Variants in MCF2L observed in about 807,000 individuals in gnomAD.
MCF2L encodes guanine nucleotide exchange factor DBS.
MCF2L carries 97 observed loss-of-function variants against 153.4 expected under a neutral mutation model. That is an observed-to-expected ratio of 0.63 (90% CI 0.54 to 0.75). MCF2L has a LOEUF of 0.75. MCF2L is among the 30% of genes least tolerant of loss of function. The pLI, the probability that MCF2L is intolerant of heterozygous loss-of-function variation, is 0.00. For missense variants in MCF2L, 1,347 were observed against 1,495.2 expected, an observed-to-expected ratio of 0.90 and a Z score of 1.64; for synonymous variants, 659 against 632.2, an observed-to-expected ratio of 1.04 and a Z score of -0.64.
Position 113,053,066 on chromosome 13 carries a change from G to A in MCF2L, c.370-7527G>A, listed in dbSNP as rs903464407. 2.6e-5 allele frequency among the ~76,000 whole-genome samples: 4 copies of A among 152,034 alleles called. No homozygotes were observed. Among genetic ancestry groups the A allele is most frequent in the Non-Finnish European group, 4.4e-5 (3 of 67,998 alleles). The stretch of plus-strand genomic sequence containing the variant: ...CACACACATTTTGCTGGTGAGAGCC[G>A]GCTCTGCCATCGTGTCAGTTCATCC... On this transcript the variant is annotated intron_variant, in intron 4 of 29. Coordinates refer to ENST00000535094, the MANE Select transcript of MCF2L (RefSeq NM_001112732.3). The surrounding 1 kb of genome is among the most constrained non-coding windows in gnomAD (Gnocchi z 4.4).
intron 2 of MCF2L, among the ~76,000 whole-genome samples, chr13:112,916,792 C>T (rs955256237): frequency 6.6e-6 from 1 of 152,162 alleles, no homozygotes; most frequent in African/African-American, 2.4e-5. Flanking sequence ...TCCCCTCGCC[C>T]CCAAGGCCTC....
At chr13:112,968,086 T>C, upstream of MCF2L, 2 of 209,160 alleles carry the variant, frequency 9.6e-6, no homozygotes, top group South Asian at 1.1e-4. Context: ...TGTGTACTTC[T>C]TCCTGCTGGA....
chr13:112,947,325 T>C (rs1388756842), intron 2 of MCF2L, among the ~76,000 whole-genome samples: 1 of 152,202 alleles, frequency 6.6e-6, no homozygotes, highest in Non-Finnish European at 1.5e-5. Flanking sequence ...AATACATTTA[T>C]TCCATCTCAA....
intron 1 of MCF2L, among the ~76,000 whole-genome samples, chr13:112,895,453 TC>T (rs1327534594): frequency 6.6e-6 from 1 of 152,034 alleles, no homozygotes; most frequent in Non-Finnish European, 1.5e-5. Flanking sequence ...TGTGGTCCCC[TC>T]CCTGGCAAGC....
rs56700060 is a variant in MCF2L at position 112,981,409 on chromosome 13, G to A, written c.79+11951G>A. On this transcript the variant is annotated intron_variant, in intron 1 of 29. Coordinates refer to ENST00000535094, the MANE Select transcript of MCF2L (RefSeq NM_001112732.3). Reference sequence around the variant, plus strand: ...GAGTGTCATCCGCTGTGAGTTCTGCGGTGCTCTGGTCCCCCGTGAAGACAT... The same window carrying A: ...GAGTGTCATCCGCTGTGAGTTCTGCAGTGCTCTGGTCCCCCGTGAAGACAT... Among the ~76,000 whole-genome samples, 613 of 152,318 alleles carry A rather than the reference G, an allele frequency of 4.0e-3. 4 individuals are homozygous for A. The highest frequency in any genetic ancestry group is 0.014 in the African/African-American group (567 of 41,568).
intron 1 of MCF2L, among the ~76,000 whole-genome samples, chr13:112,999,698 G>A (rs1369000096): frequency 6.6e-6 from 1 of 152,202 alleles, no homozygotes; most frequent in African/African-American, 2.4e-5. Context: ...TGAGGCCTCT[G>A]GGCGTGCTTT....
Position 113,087,712 on chromosome 13 carries a change from T to A in MCF2L, c.2601T>A (p.Ala867=). The change falls in exon 23 of 30, where the codon GCT becomes GCA. Residue 867 remains alanine, a synonymous_variant. Transcript: ENST00000535094. ...SYSYKQSLNM[A]AVGITENVKG... The stretch of plus-strand genomic sequence containing the variant: ...TCTCCACTCTCTGCTCGCAGATGGC[T>A]GCCGTTGGCATTACGGAGAACGTGA... 1 of 1,613,878 alleles carries A rather than the reference T, an allele frequency of 6.2e-7. No individual in the cohort carries two copies. The highest frequency in any genetic ancestry group is 1.3e-5 in the African/African-American group (1 of 75,070).
At position 113,077,243 on chromosome 13, in the gene MCF2L, G is replaced by T. The variant is rs201228957; in HGVS notation, c.1660+32G>T. ...GTGGCCGCCCGGTGCCCCGGGTGCT[G>T]TGGGACCCTCGGGGGAGCCCCGGGC... is the stretch of plus-strand genomic sequence containing the variant. On this transcript the variant is annotated intron_variant, in intron 13 of 29. Coordinates refer to ENST00000535094, the MANE Select transcript of MCF2L (RefSeq NM_001112732.3). The T allele has an allele frequency of 1.9e-5, 29 of 1,500,476 alleles. No homozygotes were observed. In the East Asian group the frequency reaches 5.7e-4, roughly 30 times the overall value. The allele number at this position is 1,500,476 out of a possible 1,614,324, so 92.9% of individuals were successfully genotyped here. A position where few individuals can be genotyped will look rare whatever the true frequency, so the allele number is the denominator to read the frequency against.
intron 2 of MCF2L, among the ~76,000 whole-genome samples, chr13:113,016,195 A>G (rs182748816): frequency 6.6e-6 from 1 of 152,336 alleles, no homozygotes; most frequent in African/African-American, 2.4e-5. Context: ...GCTAACTTTA[A>G]GATCTTCCTT....
At chr13:113,060,539 G>A (rs994864333) in intron 4 of MCF2L, 54 bp from the exon 5 acceptor site, 2 of 1,599,264 alleles carry the variant, frequency 1.3e-6, no homozygotes, top group Non-Finnish European at 1.7e-6. Flanking sequence ...GCACTAGGGG[G>A]GCTGCTGTCT....
chr13:113,034,641 G>T (rs542051360), intron 3 of MCF2L, among the ~76,000 whole-genome samples: 2 of 150,220 alleles, frequency 1.3e-5, no homozygotes, highest in African/African-American at 2.5e-5. Flanking sequence ...TCTCACCCAC[G>T]CCCTCGCCCT....
At chr13:112,997,866 G>A (rs560406236) in intron 1 of MCF2L, among the ~76,000 whole-genome samples, 8 of 152,368 alleles carry the variant, frequency 5.3e-5, no homozygotes, top group Middle Eastern at 3.4e-3. Flanking sequence ...TGGGGCTGGC[G>A]TGTGTGGTTT....
rs1196717893 is a variant in MCF2L, at chr13:113,074,023, G to A, written c.997-421G>A. ...TTAGAAGTTAGTAGCAAGCTAGAAGGGACTGAGTTACATAACTCTCCACAC... is the reference window on the plus strand; with the variant it reads ...TTAGAAGTTAGTAGCAAGCTAGAAGAGACTGAGTTACATAACTCTCCACAC... On this transcript the variant is annotated intron_variant, in intron 9 of 29. Coordinates refer to ENST00000535094, the MANE Select transcript of MCF2L (RefSeq NM_001112732.3). This position sits in a 1 kb window ranked among gnomAD's most constrained non-coding sequence, Gnocchi z 4.2. 6.6e-6 allele frequency among the ~76,000 whole-genome samples: 1 copy of A among 152,180 alleles called. No homozygotes were observed. The highest frequency in any genetic ancestry group is 1.5e-5 in the Non-Finnish European group (1 of 68,036).
chr13:113,095,087 A>G (rs1261403636), intron 27 of MCF2L: 1 of 1,360,470 alleles, frequency 7.4e-7, no homozygotes, highest in Non-Finnish European at 9.8e-7. Context: ...CTAACTATAC[A>G]TACAATTCTC....
chr13:113,069,680 T>C (rs559533979), intron 8 of MCF2L, among the ~76,000 whole-genome samples: 1 of 152,354 alleles, frequency 6.6e-6, no homozygotes, highest in African/African-American at 2.4e-5. Flanking sequence ...GAGCCGAGAC[T>C]GCACCACTGC....
At chr13:113,015,706 C>T (rs1321526677) in intron 2 of MCF2L, among the ~76,000 whole-genome samples, 1 of 152,180 alleles carries the variant, frequency 6.6e-6, no homozygotes. Context: ...TTTATGAGAC[C>T]AAAATCGAAG....
chr13:112,895,276 C>A (rs2081055857), intron 1 of MCF2L, among the ~76,000 whole-genome samples: 1 of 152,146 alleles, frequency 6.6e-6, no homozygotes, highest in Admixed American at 6.5e-5. Context: ...GCCCGCATGA[C>A]CCTCACAGAG....
chr13:113,072,059 C>T (rs527421992), intron 9 of MCF2L, among the ~76,000 whole-genome samples: 9 of 152,252 alleles, frequency 5.9e-5, no homozygotes, highest in South Asian at 2.1e-4. Context: ...AAGTTCAGTA[C>T]GTATTTTGTT....
chr13:113,080,817 A>G (rs2034060220), intron 15 of MCF2L, among the ~76,000 whole-genome samples: 1 of 152,228 alleles, frequency 6.6e-6, no homozygotes, highest in African/African-American at 2.4e-5. Flanking sequence ...TCTTCTTGGC[A>G]GAAGAGACTC....
Sources: allele counts gnomAD v4.1 joint callset (sites outside exome capture counted in the v4.1 genomes callset), GRCh38; gene constraint gnomAD v4.1.1; non-coding constraint Gnocchi (gnomAD v3.1); transcripts MANE v1.5; gene names NCBI Gene and HGNC (gene_info 2026-07-23, HGNC 2026-07-21).